Variants in MYSM1 observed in about 807,000 individuals in gnomAD.
MYSM1 encodes the protein Myb like, SWIRM and MPN domains 1, also known as deubiquitinase MYSM1.
A neutral mutation model predicts 116.0 loss-of-function variants in MYSM1; 51 were observed. That is an observed-to-expected ratio of 0.44 (90% CI 0.35 to 0.56). The LOEUF is 0.56. Ranked by LOEUF, MYSM1 falls within the 20% of genes least tolerant of loss-of-function variation. The probability of loss-of-function intolerance (pLI) is 0.00; values close to 1 mark genes in which losing one functional copy is unlikely to be tolerated. For synonymous variants in MYSM1, 313 were observed against 315.2 expected (o/e 0.99, Z 0.07); for missense variants, 900 against 974.9 (o/e 0.92, Z 1.02).
chr1:58,676,782 A>G, intron 9 of MYSM1, 144 bp downstream of exon 9: 1 of 780,424 alleles, frequency 1.3e-6, no homozygotes, highest in Non-Finnish European at 1.8e-6. Flanking sequence ...TAAAATCTTA[A>G]TAAAACATTT....
chr1:58,671,795 TA>T (rs1190209418), intron 12 of MYSM1, 74 bp downstream of exon 12: 2 of 1,054,764 alleles, frequency 1.9e-6, no homozygotes, highest in African/African-American at 3.3e-5. Context: ...ATAATGCAGC[TA>T]TTGAATATTT....
chr1:58,681,032 G>T (rs1347185322), intron 8 of MYSM1, among the ~76,000 whole-genome samples: 1 of 152,024 alleles, frequency 6.6e-6, no homozygotes, highest in African/African-American at 2.4e-5. Flanking sequence ...GTTTCACCAC[G>T]TGGGCCAGGC....
chr1:58,658,184 A>G lies in MYSM1; in HGVS notation c.*1813T>C, dbSNP rs1211294345. 6.6e-6 allele frequency: 1 copy of G among 152,146 alleles called. No individual in the cohort carries two copies. The highest frequency in any genetic ancestry group is 2.4e-5 in the African/African-American group (1 of 41,424). The allele number at this position is 152,146 out of a possible 1,614,324, so 9.4% of individuals were successfully genotyped here. Reference sequence around the variant, plus strand: ...TGTGTTTTGATTAAGGTCACACAGCAAAGTTGGTAACAGAGTTAGGGTAAG... The same window carrying G: ...TGTGTTTTGATTAAGGTCACACAGCGAAGTTGGTAACAGAGTTAGGGTAAG... On this transcript the variant is annotated 3_prime_UTR_variant, in exon 20 of 20. Transcript: ENST00000472487.
At position 58,684,398 on chromosome 1, in the gene MYSM1, T is replaced by C. The variant is rs571428753; in HGVS notation, c.498+755A>G. 3.0e-4 allele frequency among the ~76,000 whole-genome samples: 45 copies of C among 151,964 alleles called. No individual in the cohort carries two copies. The South Asian group carries it at 5.4e-3, about 18-fold the overall frequency. ...GGCTGACACGGTGAAACCCCGTCTC[T>C]ACTAAAAATACAAAAAATTGGCCAG... is the stretch of plus-strand genomic sequence containing the variant. On this transcript the variant is annotated intron_variant, in intron 7 of 19. Coordinates refer to ENST00000472487, the MANE Select transcript of MYSM1 (RefSeq NM_001085487.3).
intron 7 of MYSM1, among the ~76,000 whole-genome samples, 153 bp from the exon 8 acceptor site, chr1:58,682,698 T>TC (rs1229312386): frequency 4.1e-5 from 6 of 145,218 alleles, no homozygotes; most frequent in Admixed American, 2.8e-4. Context: ...TTTTTTCTTT[T>TC]CTTTTTTTTT....
At position 58,660,136 on chromosome 1, in the gene MYSM1, T is replaced by C. The variant is rs1264046177; in HGVS notation, c.2348A>G (p.Lys783Arg). ...GCAATTGGTCACTTTGCTCAGAGTC[T>C]TCCTCATACACTCCAAAAGCTAGTT... Reference protein sequence around the residue: ...CLQKLLECMRKTLSKVTNCFM... With the variant: ...CLQKLLECMRRTLSKVTNCFM... The change falls in exon 20 of 20, where the codon AAG (lysine) becomes AGG (arginine). Residue 783 changes from lysine (K) to arginine (R), a missense_variant. Physicochemically the swap from Lys to Arg is conservative, Grantham distance 26 (BLOSUM62 2). This residue lies in a region of MYSM1 where 186 missense variants were observed against 196.2 expected (regional missense o/e 0.95). Transcript: ENST00000472487. The C allele has an allele frequency of 1.9e-6, 3 of 1,590,620 alleles. No homozygotes were observed. Among genetic ancestry groups the C allele is most frequent in the African/African-American group, 2.7e-5 (2 of 73,408 alleles).
At chr1:58,683,230 C>T (rs1406232746) in intron 7 of MYSM1, among the ~76,000 whole-genome samples, 1 of 152,034 alleles carries the variant, frequency 6.6e-6, no homozygotes, top group Non-Finnish European at 1.5e-5. Context: ...TGGAATAAAC[C>T]AACAACTATC....
intron 8 of MYSM1, among the ~76,000 whole-genome samples, chr1:58,681,349 A>C (rs1644738935): frequency 6.6e-6 from 1 of 152,232 alleles, no homozygotes; most frequent in Non-Finnish European, 1.5e-5. Flanking sequence ...ACAAGTTCAA[A>C]GTTAAAAGCA....
At chr1:58,676,746 A>T (rs1644659178) in intron 9 of MYSM1, 180 bp downstream of exon 9, 2 of 467,386 alleles carry the variant, frequency 4.3e-6, no homozygotes, top group Non-Finnish European at 6.9e-6. Flanking sequence ...AGTGTAGGTC[A>T]AATGAAAACA....
At chr1:58,698,028 T>A (rs1378890384) in intron 1 of MYSM1, among the ~76,000 whole-genome samples, 1 of 143,746 alleles carries the variant, frequency 7.0e-6, no homozygotes, top group Middle Eastern at 3.3e-3. Flanking sequence ...GAGAGTACCA[T>A]CACACTAAAT....
intron 16 of MYSM1, among the ~76,000 whole-genome samples, chr1:58,666,221 A>G (rs1569711631): frequency 6.6e-6 from 1 of 152,230 alleles, no homozygotes; most frequent in Non-Finnish European, 1.5e-5. Context: ...GAATATATTT[A>G]CTAATTGTAT....
At position 58,682,381 on chromosome 1, in the gene MYSM1, T is replaced by C; in HGVS notation, c.663A>G (p.Glu221=). 22 of 1,614,198 alleles carry C rather than the reference T, an allele frequency of 1.4e-5. No individual in the cohort carries two copies. Among genetic ancestry groups the C allele is most frequent in the Non-Finnish European group, 1.9e-5 (22 of 1,180,036 alleles). Residue 221 remains glutamate (E), a synonymous_variant, in exon 8 of 20, where the codon GAA becomes GAG. Transcript: ENST00000472487. ...AVKIEKLSDD[E]EVDITDEVDE... ...CCACCTCATCTGTGATGTCTACTTCTTCATCATCAGATAACTTTTCAATTT... is the reference window on the plus strand; with the variant it reads ...CCACCTCATCTGTGATGTCTACTTCCTCATCATCAGATAACTTTTCAATTT...
chr1:58,662,958 A>G (rs1644416852), intron 17 of MYSM1, among the ~76,000 whole-genome samples: 1 of 152,146 alleles, frequency 6.6e-6, no homozygotes, highest in Admixed American at 6.5e-5. Flanking sequence ...ATATAATGAT[A>G]ACCACCCACT....
intron 6 of MYSM1, among the ~76,000 whole-genome samples, chr1:58,685,878 A>G (rs1644820483): frequency 6.6e-6 from 1 of 152,204 alleles, no homozygotes; most frequent in South Asian, 2.1e-4. Context: ...GCATATGTAT[A>G]TGCTGCACAC....
Position 58,673,637 on chromosome 1 carries a change from C to A in MYSM1, c.1508G>T (p.Arg503Leu), listed in dbSNP as rs368639631. Residue 503 changes from arginine (R) to leucine (L), a missense_variant, in exon 11 of 20, where the codon CGT (arginine) becomes CTT (leucine). Arg to Leu is a moderately radical substitution (Grantham distance 102). This residue lies in a region of MYSM1 where 622 missense variants were observed against 623.7 expected (regional missense o/e 1.00). Coordinates refer to ENST00000472487, the MANE Select transcript of MYSM1 (RefSeq NM_001085487.3). ...QRLQSMRTRRRRVRDPWGNWC... is the reference protein window; with the variant it reads ...QRLQSMRTRRLRVRDPWGNWC... ...GTTTCCCCATGGGTCTCGGACCCTA[C>A]GTCTCCTTGTACGCTGCGATGAGAT... 6.2e-7 allele frequency: 1 copy of A among 1,613,736 alleles called. No individual in the cohort carries two copies. The highest frequency in any genetic ancestry group is 1.3e-5 in the African/African-American group (1 of 74,906).
intron 8 of MYSM1, among the ~76,000 whole-genome samples, chr1:58,678,559 G>A (rs930123247): frequency 6.6e-6 from 1 of 152,148 alleles, no homozygotes; most frequent in Admixed American, 6.5e-5. Flanking sequence ...TTAAGAACTA[G>A]ATTCAACAAC....
At chr1:58,683,368 T>C (rs1644777100) in intron 7 of MYSM1, among the ~76,000 whole-genome samples, 1 of 152,220 alleles carries the variant, frequency 6.6e-6, no homozygotes, top group African/African-American at 2.4e-5. Context: ...ACTGAGTACA[T>C]TAAAACTACC....
rs1644314376 is a variant in MYSM1 at position 58,655,940 on chromosome 1, G to C, written c.*4057C>G. On this transcript the variant is annotated 3_prime_UTR_variant, in exon 20 of 20. Coordinates refer to ENST00000472487, the MANE Select transcript of MYSM1 (RefSeq NM_001085487.3). ...GGCACCCTTACTGAATTTCTACTGA[G>C]AATTCCATCAACTGCTGTCTGCTGA... 6.6e-6 allele frequency: 1 copy of C among 152,082 alleles called. No homozygotes were observed. The allele number at this position is 152,082 out of a possible 1,614,324, so 9.4% of individuals were successfully genotyped here. A position where few individuals can be genotyped will look rare whatever the true frequency, so the allele number is the denominator to read the frequency against.
At chr1:58,678,793 C>T (rs10789070) in intron 8 of MYSM1, among the ~76,000 whole-genome samples, 86,412 of 152,068 alleles carry the variant, frequency 0.57, 24,854 homozygotes, top group East Asian at 0.64. Flanking sequence ...AAGAAAGCAA[C>T]ACTTGACAAA....
Sources: gnomAD v4.1 joint callset for allele counts (sites outside exome capture counted in the v4.1 genomes callset) on GRCh38, gnomAD v4.1.1 for gene constraint, gnomAD v4.1.1 regional missense constraint, MANE v1.5 for transcripts, NCBI Gene and HGNC (gene_info 2026-07-23, HGNC 2026-07-21) for gene names.